SGCD: variants seen among roughly 807,000 people sequenced by gnomAD.
SGCD encodes the protein delta-sarcoglycan.
A neutral mutation model predicts 36.6 loss-of-function variants in SGCD; 18 were observed. That is an observed-to-expected ratio of 0.49 (90% CI 0.34 to 0.73). The LOEUF (loss-of-function observed/expected upper bound fraction) is 0.73, where lower values mean the gene tolerates loss of function less well. Among genes scored for constraint, SGCD ranks in the 30% least tolerant of loss-of-function variants. The pLI is 0.01. For synonymous variants in SGCD, 133 were observed against 130.6 expected, an observed-to-expected ratio of 1.02 and a Z score of -0.12; for missense variants, 387 against 346.7, an observed-to-expected ratio of 1.12 and a Z score of -0.92.
intron 8 of SGCD, among the ~76,000 whole-genome samples, chr5:156,758,893 GA>G (rs1171136895): frequency 1.3e-5 from 2 of 152,104 alleles, no homozygotes; most frequent in Non-Finnish European, 2.9e-5. Context: ...TAGGATCTGG[GA>G]AGTCCCATAG....
chr5:156,262,514 CTG>C (rs1255583585), intron 3 of SGCD, among the ~76,000 whole-genome samples: 1 of 152,044 alleles, frequency 6.6e-6, no homozygotes, highest in African/African-American at 2.4e-5. Context: ...GTATTTAAAA[CTG>C]TGAATTATTA....
intron 3 of SGCD, among the ~76,000 whole-genome samples, chr5:156,280,421 G>T (rs1021603553): frequency 6.6e-5 from 10 of 152,164 alleles, no homozygotes; most frequent in African/African-American, 2.4e-4. Context: ...AAAGCATCTA[G>T]CAATTTTAGA....
At chr5:156,317,605 T>G (rs1032906934) in intron 3 of SGCD, among the ~76,000 whole-genome samples, 1 of 152,184 alleles carries the variant, frequency 6.6e-6, no homozygotes, top group Non-Finnish European at 1.5e-5. Context: ...TGTGTTGAAA[T>G]GCAGTGAACT....
At chr5:155,912,931 T>C (rs6555912) in intron 1 of SGCD, among the ~76,000 whole-genome samples, 20,276 of 152,170 alleles carry the variant, frequency 0.13, 1,808 homozygotes, top group African/African-American at 0.25. Flanking sequence ...TTTAAGTCTT[T>C]AGAAAGATAA....
chr5:156,061,756 A>G lies in SGCD; in HGVS notation c.-281-56122A>G, dbSNP rs567568444. On this transcript the variant is annotated intron_variant, in intron 1 of 9. Coordinates refer to the SGCD transcript ENST00000517913. ...AAAGAAAAAGTAAGACCCAAAGGCAACAAATATCTAATGGGTTGTCTGGAC... is the reference window on the plus strand; with the variant it reads ...AAAGAAAAAGTAAGACCCAAAGGCAGCAAATATCTAATGGGTTGTCTGGAC... Among the ~76,000 whole-genome samples the G allele has an allele frequency of 5.5e-5, 8 of 145,482 alleles. 1 individual carries two copies. The South Asian group carries it at 1.7e-3, about 32-fold the overall frequency.
intron 1 of SGCD, among the ~76,000 whole-genome samples, chr5:155,996,236 C>G (rs1344496862): frequency 6.6e-6 from 1 of 152,060 alleles, no homozygotes; most frequent in Non-Finnish European, 1.5e-5. Context: ...AGGTACTAAG[C>G]ATAGTACCCA....
At chr5:156,397,312 G>A (rs1329315832) in intron 3 of SGCD, among the ~76,000 whole-genome samples, 1 of 152,120 alleles carries the variant, frequency 6.6e-6, no homozygotes, top group African/African-American at 2.4e-5. Flanking sequence ...ATGCTTCAAG[G>A]TCTACAGATA....
intron 1 of SGCD, among the ~76,000 whole-genome samples, chr5:155,992,973 G>C (rs1345252098): frequency 6.6e-6 from 1 of 151,840 alleles, no homozygotes; most frequent in Non-Finnish European, 1.5e-5. Context: ...CCTTTTTGTG[G>C]GCTCTTATAC....
chr5:156,558,665 C>A (rs959264606), intron 4 of SGCD, among the ~76,000 whole-genome samples: 5 of 152,062 alleles, frequency 3.3e-5, no homozygotes, highest in African/African-American at 1.2e-4. Flanking sequence ...AGCTGAGTCA[C>A]AAAAGGGAAC....
intron 3 of SGCD, among the ~76,000 whole-genome samples, chr5:156,347,331 A>G (rs1156853319): frequency 6.6e-6 from 1 of 152,172 alleles, no homozygotes; most frequent in Non-Finnish European, 1.5e-5. Context: ...GTTAATTTGT[A>G]TTTCAAAAAC....
At chr5:156,499,812 A>AC (rs1756368811) in intron 3 of SGCD, among the ~76,000 whole-genome samples, 1 of 152,164 alleles carries the variant, frequency 6.6e-6, no homozygotes. Flanking sequence ...GTTAAGTGTT[A>AC]ATGTCTGAGG....
intron 1 of SGCD, among the ~76,000 whole-genome samples, chr5:155,913,258 T>C (rs1756667353): frequency 6.6e-6 from 1 of 152,166 alleles, no homozygotes; most frequent in African/African-American, 2.4e-5. Context: ...AAGCAGAGAA[T>C]GATCACCAGG....
intron 1 of SGCD, among the ~76,000 whole-genome samples, chr5:156,021,393 A>G (rs77158557): frequency 0.025 from 3,787 of 152,254 alleles, 163 homozygotes; most frequent in African/African-American, 0.086. Flanking sequence ...GGTGGTGTGA[A>G]CCTGTAGTCT....
chr5:156,716,548 A>G (rs1260700200), intron 7 of SGCD, among the ~76,000 whole-genome samples: 1 of 152,176 alleles, frequency 6.6e-6, no homozygotes, highest in Non-Finnish European at 1.5e-5. Flanking sequence ...CCTACTTCAG[A>G]GTGGTTGTGA....
At chr5:156,278,840 A>G (rs1230661600) in intron 3 of SGCD, among the ~76,000 whole-genome samples, 2 of 152,190 alleles carry the variant, frequency 1.3e-5, no homozygotes, top group Non-Finnish European at 2.9e-5. Flanking sequence ...TTGCATTTGG[A>G]AAAATGGCTT....
At chr5:155,774,832 T>A in the SGCD span, among the ~76,000 whole-genome samples, 1,404 of 152,186 alleles carry the variant, frequency 9.2e-3, 21 homozygotes, top group African/African-American at 0.032. Flanking sequence ...GGTCCAGGGA[T>A]TAGGTCAAGG....
chr5:156,293,421 T>C (rs953468596), intron 3 of SGCD, among the ~76,000 whole-genome samples: 2 of 152,180 alleles, frequency 1.3e-5, no homozygotes, highest in Non-Finnish European at 2.9e-5. Context: ...GCTTTTGTTC[T>C]ATGTTTTCTT....
chr5:155,876,883 T>C (rs1755779003), intron 1 of SGCD, among the ~76,000 whole-genome samples: 1 of 152,116 alleles, frequency 6.6e-6, no homozygotes, highest in Non-Finnish European at 1.5e-5. Context: ...CATGTGAAAA[T>C]ATTAGGTTTA....
rs189320082 is a variant in SGCD, at chr5:156,558,401, G to A, written c.295-30830G>A. Among the ~76,000 whole-genome samples, 436 of 152,116 alleles carry A rather than the reference G, an allele frequency of 2.9e-3. 3 individuals are homozygous for A. Among genetic ancestry groups the A allele is most frequent in the Middle Eastern group, 0.01 (3 of 294 alleles). On this transcript the variant is annotated intron_variant, in intron 4 of 8. Transcript: ENST00000337851. ...ACATTTTATGGCCATTACTGGTGAT[G>A]ATCATTTATTTTAAACAAAATTCAA...
Sources: allele counts gnomAD v4.1 joint callset (sites outside exome capture counted in the v4.1 genomes callset), GRCh38; gene constraint gnomAD v4.1.1; transcripts MANE v1.5; gene names NCBI Gene and HGNC (gene_info 2026-07-23, HGNC 2026-07-21).